Variants in DCC observed in about 807,000 individuals in gnomAD.
DCC encodes the protein netrin receptor DCC.
A neutral mutation model predicts 172.5 loss-of-function variants in DCC; 58 were observed. That is an observed-to-expected ratio of 0.34 (90% CI 0.27 to 0.42). The LOEUF (loss-of-function observed/expected upper bound fraction) is 0.42, where lower values mean the gene tolerates loss of function less well. Ranked by LOEUF, DCC falls within the 10% of genes least tolerant of loss-of-function variation. The pLI, the probability that DCC is intolerant of heterozygous loss-of-function variation, is 1.00. For missense variants in DCC, 1,740 were observed against 1,791.0 expected (o/e 0.97, Z 0.51); for synonymous variants, 709 against 644.5 (o/e 1.10, Z -1.52).
chr18:53,044,851 G>T (rs1599062263), intron 5 of DCC, among the ~76,000 whole-genome samples: 1 of 151,744 alleles, frequency 6.6e-6, no homozygotes, highest in Admixed American at 6.6e-5. Flanking sequence ...TTTGTTAAAG[G>T]CATGTCAACG....
chr18:53,471,095 A>T (rs1171731511), intron 25 of DCC, among the ~76,000 whole-genome samples: 2 of 152,160 alleles, frequency 1.3e-5, no homozygotes, highest in Non-Finnish European at 2.9e-5. Flanking sequence ...TCTCTTACAG[A>T]TTACTAGACT....
intron 1 of DCC, among the ~76,000 whole-genome samples, chr18:52,408,530 G>A (rs964507832): frequency 3.3e-5 from 5 of 151,864 alleles, no homozygotes; most frequent in Non-Finnish European, 5.9e-5. Context: ...AACAACTCAG[G>A]CCTACAAATT....
At chr18:52,418,858 C>CTTTTTTTTTTTTTTTTTTTTTTTTTTTTT (rs11313758) in intron 1 of DCC, among the ~76,000 whole-genome samples, 2 of 93,020 alleles carry the variant, frequency 2.2e-5, no homozygotes, top group Non-Finnish European at 4.1e-5. Flanking sequence ...TTCTTTCTTT[C>CTTTTTTTTTTTTTTTTTTTTTTTTTTTTT]TTTTTTTTTT....
chr18:53,444,387 C>G (rs145834094), intron 22 of DCC, among the ~76,000 whole-genome samples: 1 of 152,104 alleles, frequency 6.6e-6, no homozygotes, highest in East Asian at 1.9e-4. Context: ...ACTGAAAATA[C>G]GAAAAGGAAC....
At chr18:53,215,451 T>C (rs989513680) in intron 11 of DCC, 97 bp from the exon 12 acceptor site, 5 of 1,002,426 alleles carry the variant, frequency 5.0e-6, no homozygotes, top group South Asian at 1.3e-5. Flanking sequence ...CATTATAAAC[T>C]ATATAAACAA....
At chr18:53,086,936 AT>A (rs1366848249) in intron 7 of DCC, among the ~76,000 whole-genome samples, 1 of 151,514 alleles carries the variant, frequency 6.6e-6, no homozygotes, top group Admixed American at 6.6e-5. Context: ...TGAACTCATC[AT>A]TTTTTATGGG....
intron 1 of DCC, among the ~76,000 whole-genome samples, chr18:52,681,630 G>C (rs939003805): frequency 1.3e-5 from 2 of 152,076 alleles, no homozygotes; most frequent in Non-Finnish European, 2.9e-5. Context: ...AGGAGCTGCT[G>C]CTAATTCTGA....
chr18:52,606,510 TGAA>T (rs2034133627), intron 1 of DCC, among the ~76,000 whole-genome samples: 1 of 152,150 alleles, frequency 6.6e-6, no homozygotes, highest in African/African-American at 2.4e-5. Flanking sequence ...ACAATCTAGT[TGAA>T]GAGCACATTA....
At chr18:52,809,411 T>G (rs1968410) in intron 2 of DCC, 1 of 102,176 alleles carries the variant, frequency 9.8e-6, no homozygotes, top group East Asian at 2.7e-4. Flanking sequence ...GAATGGAAAC[T>G]TGGGCCATGT....
rs533762213 is a variant in DCC, at chr18:52,439,075, C to T, written c.91+98197C>T. On this transcript the variant is annotated intron_variant, in intron 1 of 28. Coordinates refer to ENST00000442544, the MANE Select transcript of DCC (RefSeq NM_005215.4). Reference sequence around the variant, plus strand: ...AGTGTGGGAGAAAAAAAGGTAAATTCGAAATTAATACACGTTTTCCTCCAG... The same window carrying T: ...AGTGTGGGAGAAAAAAAGGTAAATTTGAAATTAATACACGTTTTCCTCCAG... Among the ~76,000 whole-genome samples, 3 of 151,722 alleles carry T rather than the reference C, an allele frequency of 2.0e-5. No individual in the cohort carries two copies. In the South Asian group the frequency reaches 6.3e-4, roughly 32 times the overall value.
At chr18:52,376,183 AT>A in intron 1 of DCC, among the ~76,000 whole-genome samples, 1 of 152,266 alleles carries the variant, frequency 6.6e-6, no homozygotes, top group South Asian at 2.1e-4. Flanking sequence ...CTTATCCTAG[AT>A]TTATCTTTTG....
intron 1 of DCC, among the ~76,000 whole-genome samples, chr18:52,619,250 A>G (rs12326103): frequency 7.2e-5 from 11 of 152,260 alleles, no homozygotes; most frequent in African/African-American, 2.6e-4. Context: ...TGGCCATTCT[A>G]TTTTGTATAA....
At chr18:52,983,381 C>A (rs1337611530) in intron 5 of DCC, among the ~76,000 whole-genome samples, 1 of 152,156 alleles carries the variant, frequency 6.6e-6, no homozygotes, top group Non-Finnish European at 1.5e-5. Context: ...TTTTTGCAAA[C>A]TTTACTTCAA....
chr18:52,535,368 C>T (rs553665391), intron 1 of DCC, among the ~76,000 whole-genome samples: 1 of 152,186 alleles, frequency 6.6e-6, no homozygotes, highest in Non-Finnish European at 1.5e-5. Context: ...TAGAGCCAAA[C>T]TGAACGTGAG....
At chr18:52,344,868 A>G (rs993463473) in intron 1 of DCC, among the ~76,000 whole-genome samples, 2 of 152,194 alleles carry the variant, frequency 1.3e-5, no homozygotes, top group Admixed American at 6.5e-5. Flanking sequence ...TTAAAATTCA[A>G]TGTCCACATC....
intron 22 of DCC, among the ~76,000 whole-genome samples, chr18:53,448,474 T>A (rs930259314): frequency 6.6e-6 from 1 of 152,168 alleles, no homozygotes; most frequent in Non-Finnish European, 1.5e-5. Context: ...CATGATTAAA[T>A]TAGCTCCCAC....
chr18:53,478,071 G>A (rs533342442), intron 25 of DCC, among the ~76,000 whole-genome samples: 2 of 152,336 alleles, frequency 1.3e-5, no homozygotes, highest in East Asian at 3.9e-4. Context: ...TGAGGGTGAA[G>A]GATACAGAAT....
At chr18:52,382,943 C>A (rs944926527) in intron 1 of DCC, among the ~76,000 whole-genome samples, 9 of 152,134 alleles carry the variant, frequency 5.9e-5, no homozygotes, top group African/African-American at 1.9e-4. Context: ...AATAATATTA[C>A]CATGTTTTAA....
chr18:52,918,974 G>A (rs1444244319), intron 3 of DCC, among the ~76,000 whole-genome samples: 1 of 152,156 alleles, frequency 6.6e-6, no homozygotes, highest in Non-Finnish European at 1.5e-5. Flanking sequence ...TGATTCTATA[G>A]TTTATATGAA....
Sources: allele counts gnomAD v4.1 joint callset (sites outside exome capture counted in the v4.1 genomes callset), GRCh38; gene constraint gnomAD v4.1.1; transcripts MANE v1.5; gene names NCBI Gene and HGNC (gene_info 2026-07-23, HGNC 2026-07-21).